CCDC7: variants seen among roughly 807,000 people sequenced by gnomAD.
CCDC7 encodes the protein coiled-coil domain-containing protein 7.
CCDC7 carries 183 observed loss-of-function variants against 196.9 expected under a neutral mutation model. That is an observed-to-expected ratio of 0.93 (90% CI 0.82 to 1.05). The LOEUF (loss-of-function observed/expected upper bound fraction) is 1.05, where lower values mean the gene tolerates loss of function less well. Among genes scored for constraint, CCDC7 ranks in the 50% least tolerant of loss-of-function variants. CCDC7 has a pLI of 0.00. For missense variants in CCDC7, 1,540 were observed against 1,482.2 expected, an observed-to-expected ratio of 1.04 and a Z score of -0.64; for synonymous variants, 525 against 484.6, an observed-to-expected ratio of 1.08 and a Z score of -1.10.
chr10:32,774,442 C>T (rs1175361398), intron 28 of CCDC7, among the ~76,000 whole-genome samples: 6 of 152,166 alleles, frequency 3.9e-5, no homozygotes, highest in African/African-American at 2.4e-5. Flanking sequence ...TCCTCCCACA[C>T]TGGGAACCAT....
At chr10:32,797,837 C>T (rs1202477445) in intron 29 of CCDC7, among the ~76,000 whole-genome samples, 1 of 152,078 alleles carries the variant, frequency 6.6e-6, no homozygotes, top group Non-Finnish European at 1.5e-5. Context: ...GCATATACAG[C>T]CTTCTGGAGA....
chr10:32,630,020 A>G (rs562150766), intron 18 of CCDC7, among the ~76,000 whole-genome samples: 3 of 152,290 alleles, frequency 2.0e-5, no homozygotes, highest in African/African-American at 7.2e-5. Context: ...CTGTTTTTCT[A>G]CTATGTAGAC....
intron 11 of CCDC7, among the ~76,000 whole-genome samples, chr10:32,536,581 G>C (rs1264902566): frequency 1.3e-5 from 2 of 152,122 alleles, no homozygotes; most frequent in African/African-American, 4.8e-5. Context: ...CATGTCATGG[G>C]TGTTTGGTGT....
intron 24 of CCDC7, among the ~76,000 whole-genome samples, chr10:32,709,153 G>A (rs2080353157): frequency 6.6e-6 from 1 of 152,090 alleles, no homozygotes; most frequent in East Asian, 1.9e-4. Context: ...AAAAAAGGAT[G>A]AGTTCATGTC....
intron 9 of CCDC7, among the ~76,000 whole-genome samples, chr10:32,514,927 G>A (rs1589408532): frequency 6.6e-6 from 1 of 152,152 alleles, no homozygotes; most frequent in African/African-American, 2.4e-5. Flanking sequence ...TAGGCCCAAG[G>A]CATCTTCCTG....
exon 14 of CCDC7, chr10:32,565,576 A>G (rs1223049426): frequency 3.7e-6 from 6 of 1,610,052 alleles, no homozygotes; most frequent in South Asian, 3.3e-5. Flanking sequence ...ACGTCTGGAA[A>G]TTGAGAACAA....
intron 24 of CCDC7, among the ~76,000 whole-genome samples, chr10:32,700,902 T>A (rs1302903630): frequency 6.6e-6 from 1 of 152,218 alleles, no homozygotes; most frequent in Non-Finnish European, 1.5e-5. Context: ...TGCACATTGA[T>A]TTTGTGTCCT....
intron 28 of CCDC7, among the ~76,000 whole-genome samples, chr10:32,755,477 C>T (rs2076277628): frequency 1.3e-5 from 2 of 152,130 alleles, no homozygotes; most frequent in South Asian, 2.1e-4. Context: ...CTGGTGATAC[C>T]CAGGCAAATA....
intron 24 of CCDC7, among the ~76,000 whole-genome samples, chr10:32,706,148 A>G (rs1400785570): frequency 6.6e-6 from 1 of 152,140 alleles, no homozygotes; most frequent in Admixed American, 6.5e-5. Context: ...TCAAATTAGA[A>G]CTCAGGATTG....
intron 13 of CCDC7, among the ~76,000 whole-genome samples, chr10:32,546,649 T>C (rs1228221073): frequency 6.6e-6 from 1 of 152,254 alleles, no homozygotes; most frequent in Non-Finnish European, 1.5e-5. Flanking sequence ...TGTACTATTT[T>C]GTAGCATTAG....
intron 24 of CCDC7, among the ~76,000 whole-genome samples, chr10:32,711,126 G>A (rs11599864): frequency 0.15 from 21,640 of 146,658 alleles, 1,903 homozygotes; most frequent in African/African-American, 0.27. Context: ...GTGTGTGTGT[G>A]TATATATATA....
At chr10:32,507,283 G>C (rs1415574977) in intron 9 of CCDC7, among the ~76,000 whole-genome samples, 1 of 151,946 alleles carries the variant, frequency 6.6e-6, no homozygotes, top group South Asian at 2.1e-4. Flanking sequence ...GAGCCACCGC[G>C]CCTGGCCTGT....
intron 20 of CCDC7, among the ~76,000 whole-genome samples, chr10:32,639,220 G>T (rs1012653357): frequency 1.3e-4 from 19 of 151,720 alleles, no homozygotes; most frequent in Middle Eastern, 3.4e-3. Context: ...GGGTTTTTTG[G>T]GTCTCTATTT....
chr10:32,518,667 A>G (rs544217317), intron 11 of CCDC7, among the ~76,000 whole-genome samples, 162 bp downstream of exon 12: 1 of 150,772 alleles, frequency 6.6e-6, no homozygotes, highest in Non-Finnish European at 1.5e-5. Context: ...ATTCTAAATT[A>G]TCATATTAGG....
intron 18 of CCDC7, among the ~76,000 whole-genome samples, chr10:32,627,299 A>T (rs1029005970): frequency 2.5e-4 from 38 of 151,880 alleles, no homozygotes; most frequent in Admixed American, 1.6e-3. Context: ...TGTAAATCAG[A>T]TTGTTCTCTT....
intron 25 of CCDC7, among the ~76,000 whole-genome samples, chr10:32,724,929 C>T (rs1314280516): frequency 6.6e-6 from 1 of 152,124 alleles, no homozygotes; most frequent in Non-Finnish European, 1.5e-5. Flanking sequence ...TCTTCCATAA[C>T]TGCCAGATAA....
At position 32,633,696 on chromosome 10, in the gene CCDC7, A is replaced by ATATATATGTGTGTGTGTG. The variant is rs779341941; in HGVS notation, c.1802-557_1802-556insATATATGTGTGTGTGTGT. Among the ~76,000 whole-genome samples, 38 of 135,226 alleles carry ATATATATGTGTGTGTGTG rather than the reference A, an allele frequency of 2.8e-4. No homozygotes were observed. The South Asian group carries it at 3.0e-3, about 11-fold the overall frequency. 88.7% of individuals were successfully genotyped at this position (135,226 alleles called of 152,430 possible). ...TTTAGCTTTGTGTATATATATATATATGTGTGTGTGTGTGTGTGTGTGTGT... is the reference window on the plus strand; with the variant it reads ...TTTAGCTTTGTGTATATATATATATATATATATGTGTGTGTGTGTGTGTGTGTGTGTGTGTGTGTGTGT... On this transcript the variant is annotated intron_variant, in intron 18 of 41. Transcript: ENST00000639629.
rs56089046 is a variant in CCDC7, at chr10:32,619,910, C to CTTTTTTTTTTTTTT, written c.1802-14327_1802-14314dup. 6.9e-4 allele frequency among the ~76,000 whole-genome samples: 55 copies of CTTTTTTTTTTTTTT among 79,274 alleles called. 9 individuals are homozygous for CTTTTTTTTTTTTTT. The highest frequency in any genetic ancestry group is 3.3e-3 in the African/African-American group (51 of 15,306). The allele number at this position is 79,274 out of a possible 152,430, so 52.0% of individuals were successfully genotyped here. ...CACTGCTCCCAGCCCTTCAATGTACCTTTTTTTTTTTTTTTTTTTTTTTTT... is the reference window on the plus strand; with the variant it reads ...CACTGCTCCCAGCCCTTCAATGTACCTTTTTTTTTTTTTTTTTTTTTTTTTTTTTTTTTTTTTTT... On this transcript the variant is annotated intron_variant, in intron 18 of 41. Coordinates refer to ENST00000639629, the Ensembl canonical transcript of CCDC7.
At chr10:32,552,801 T>A (rs2053689889) in intron 13 of CCDC7, among the ~76,000 whole-genome samples, 1 of 152,220 alleles carries the variant, frequency 6.6e-6, no homozygotes, top group Non-Finnish European at 1.5e-5. Context: ...GTTAATCTGA[T>A]AGGTTTTCCT....
Sources: gnomAD v4.1 joint callset for allele counts (sites outside exome capture counted in the v4.1 genomes callset) on GRCh38, gnomAD v4.1.1 for gene constraint, MANE v1.5 for transcripts, NCBI Gene and HGNC (gene_info 2026-07-23, HGNC 2026-07-21) for gene names.